ZNF85: variants seen among roughly 807,000 people sequenced by gnomAD.
The protein encoded by ZNF85 is zinc finger protein 85.
ZNF85 carries 50 observed loss-of-function variants against 53.9 expected under a neutral mutation model. That is an observed-to-expected ratio of 0.93 (90% CI 0.74 to 1.17). The LOEUF (loss-of-function observed/expected upper bound fraction) is 1.17. Among genes scored for constraint, ZNF85 ranks in the 50% most tolerant of loss-of-function variants. The probability of loss-of-function intolerance (pLI) is 0.00; values close to 1 mark genes in which losing one functional copy is unlikely to be tolerated. For synonymous variants in ZNF85, 225 were observed against 226.1 expected (o/e 1.00, Z 0.04); for missense variants, 747 against 688.5 (o/e 1.08, Z -0.95).
chr19:20,941,390 G>A (rs62124030), intron 3 of ZNF85, among the ~76,000 whole-genome samples: 11,992 of 152,206 alleles, frequency 0.079, 644 homozygotes, highest in Middle Eastern at 0.14. Flanking sequence ...AGCCTCCTGA[G>A]TAGCTGGGAT....
rs768097517 is a variant in ZNF85, at chr19:20,947,488, C to CTTTTTTT, written c.230-1233_230-1227dup. ...GTAGGGCATATGCAGTGCCAATACA[C>CTTTTTTT]TTTTTTTTTTTTTTTTTTTTTTTTT... On this transcript the variant is annotated intron_variant, in intron 3 of 3. Transcript: ENST00000328178. 4.1e-4 allele frequency among the ~76,000 whole-genome samples: 21 copies of CTTTTTTT among 51,636 alleles called. 1 individual carries two copies. Among genetic ancestry groups the CTTTTTTT allele is most frequent in the African/African-American group, 1.7e-3 (20 of 11,932 alleles). 33.9% of individuals were successfully genotyped at this position (51,636 alleles called of 152,430 possible).
chr19:20,942,978 G>T, intron 3 of ZNF85: 2 of 527,856 alleles, frequency 3.8e-6, no homozygotes, highest in East Asian at 3.2e-5. Context: ...GTCTCACTTT[G>T]TTGCCCAGTC....
intron 3 of ZNF85, among the ~76,000 whole-genome samples, chr19:20,935,756 G>T (rs1458885777): frequency 6.6e-6 from 1 of 151,520 alleles, no homozygotes; most frequent in African/African-American, 2.4e-5. Flanking sequence ...CTCAATGTTG[G>T]TCAGGCTGTT....
At chr19:20,934,552 G>A (rs1973110246) in intron 2 of ZNF85, among the ~76,000 whole-genome samples, 3 of 152,136 alleles carry the variant, frequency 2.0e-5, no homozygotes, top group East Asian at 3.9e-4. Context: ...GACGGATCAC[G>A]AGGTCAGGAG....
In ZNF85 at chr19:20,942,886, C is replaced by T. The variant is rs1485026294; in HGVS notation, c.230-5858C>T. ...AACCTTCTGGGGTCAAGTGATTGTT[C>T]CACCTCAGCCTCCCGAGTAGCTTGG... On this transcript the variant is annotated intron_variant, in intron 3 of 3. Transcript: ENST00000328178. 1.3e-5 allele frequency: 9 copies of T among 687,702 alleles called. No individual in the cohort carries two copies. In the Admixed American group the frequency reaches 1.9e-4, roughly 15 times the overall value. The allele number at this position is 687,702 out of a possible 1,614,324, so 42.6% of individuals were successfully genotyped here.
Position 20,923,295 on chromosome 19 carries a change from C to T in ZNF85, c.-106C>T, listed in dbSNP as rs952218590. On this transcript the variant is annotated 5_prime_UTR_variant, in exon 1 of 4. Coordinates refer to ENST00000328178, the MANE Select transcript of ZNF85 (RefSeq NM_003429.5). ...GCCTGAGCTCTAGGTCTTGTTTTCC[C>T]TGCTTTGTGTTTTCTGCTCGTGGAC... is the stretch of plus-strand genomic sequence containing the variant. The T allele has an allele frequency of 7.6e-6, 12 of 1,573,440 alleles. No homozygotes were observed. The African/African-American group carries it at 1.4e-4, about 18-fold the overall frequency.
intron 3 of ZNF85, among the ~76,000 whole-genome samples, chr19:20,935,725 G>A (rs765631302): frequency 1.3e-5 from 2 of 150,374 alleles, no homozygotes; most frequent in East Asian, 3.9e-4. Context: ...TCGGCTCACC[G>A]CAACCTCTGC....
intron 1 of ZNF85, among the ~76,000 whole-genome samples, chr19:20,932,988 A>G (rs1289931147): frequency 6.6e-6 from 1 of 151,448 alleles, no homozygotes; most frequent in African/African-American, 2.4e-5. Context: ...GGAGATCTAG[A>G]CCATCCTGGG....
At chr19:20,937,822 T>C (rs1973194823) in intron 3 of ZNF85, among the ~76,000 whole-genome samples, 1 of 152,192 alleles carries the variant, frequency 6.6e-6, no homozygotes, top group Admixed American at 6.5e-5. Flanking sequence ...CCTCCAGGAC[T>C]CTGGAAGGGC....
Position 20,935,048 on chromosome 19 carries a change from G to A in ZNF85, c.229+1G>A. ...GAGATCATGGTGGCCAAACCCACAG[G>A]TAGGTGAAAGTGAAAATGAATACAG... On this transcript the variant is annotated splice_donor_variant, in intron 3 of 3. Transcript: ENST00000328178. LOFTEE classifies it high-confidence loss of function. The A allele has an allele frequency of 1.2e-6, 2 of 1,603,324 alleles. No homozygotes were observed. Among genetic ancestry groups the A allele is most frequent in the Non-Finnish European group, 8.5e-7 (1 of 1,173,424 alleles).
At position 20,949,917 on chromosome 19, in the gene ZNF85, A is replaced by G; in HGVS notation, c.1403A>G (p.Asn468Ser). ...GGCAAAGCTTTTAACCAGTCCTCAA[A>G]TCTTACTAGACATAAGAAAAGTCAT... is the stretch of plus-strand genomic sequence containing the variant. ...KCGKAFNQSS[N>S]LTRHKKSHTE... Residue 468 changes from asparagine (N) to serine (S), a missense_variant, in exon 4 of 4, where the codon AAT (asparagine) becomes AGT (serine). Transcript: ENST00000328178. 1 of 1,612,352 alleles carries G rather than the reference A, an allele frequency of 6.2e-7. No homozygotes were observed. Among genetic ancestry groups the G allele is most frequent in the Non-Finnish European group, 8.5e-7 (1 of 1,179,130 alleles).
At chr19:20,941,560 G>C (rs1973296605) in intron 3 of ZNF85, among the ~76,000 whole-genome samples, 1 of 151,336 alleles carries the variant, frequency 6.6e-6, no homozygotes, top group Non-Finnish European at 1.5e-5. Flanking sequence ...ACCGTGCCTG[G>C]CCACATTTCC....
At chr19:20,923,474 G>A in intron 1 of ZNF85, 71 bp downstream of exon 1, 1 of 1,610,236 alleles carries the variant, frequency 6.2e-7, no homozygotes, top group Non-Finnish European at 8.5e-7. Flanking sequence ...CGGCTGTGGC[G>A]GGACTCAGGC....
At chr19:20,931,903 G>A (rs895192336) in intron 1 of ZNF85, among the ~76,000 whole-genome samples, 4 of 152,102 alleles carry the variant, frequency 2.6e-5, no homozygotes, top group Admixed American at 2.0e-4. Context: ...CACCAAGCCC[G>A]GCCATGGCCC....
chr19:20,938,194 T>C (rs996615301), intron 3 of ZNF85, among the ~76,000 whole-genome samples: 1 of 152,134 alleles, frequency 6.6e-6, no homozygotes, highest in African/African-American at 2.4e-5. Flanking sequence ...CTCAGCCTCC[T>C]AAGTAGCTAA....
chr19:20,941,463 G>C (rs113612085), intron 3 of ZNF85, among the ~76,000 whole-genome samples: 1,815 of 152,120 alleles, frequency 0.012, 34 homozygotes, highest in African/African-American at 0.035. Context: ...GGGTTTCACC[G>C]TGTTGGTTAT....
In ZNF85 at chr19:20,930,142, A is replaced by AAAAAAAAG. The variant is rs1555793059; in HGVS notation, c.4-3882_4-3881insAAAAAAAG. 2.1e-5 allele frequency among the ~76,000 whole-genome samples: 3 copies of AAAAAAAAG among 145,160 alleles called. 1 individual carries two copies. Among genetic ancestry groups the AAAAAAAAG allele is most frequent in the South Asian group, 4.4e-4 (2 of 4,590 alleles). ...TCCCAAAAAAAAAAAAAAAAAAAAA[A>AAAAAAAAG]GAAATCAGAGTTTTTGTCTGGTGAA... On this transcript the variant is annotated intron_variant, in intron 1 of 3. Coordinates refer to ENST00000328178, the MANE Select transcript of ZNF85 (RefSeq NM_003429.5).
intron 2 of ZNF85, among the ~76,000 whole-genome samples, chr19:20,934,594 C>T (rs932777902): frequency 4.6e-5 from 7 of 151,852 alleles, no homozygotes; most frequent in Admixed American, 4.6e-4. Flanking sequence ...ACGGTGAAAC[C>T]CCGTCTCTAC....
chr19:20,937,680 G>A (rs112295668), intron 3 of ZNF85, among the ~76,000 whole-genome samples: 1,811 of 152,242 alleles, frequency 0.012, 33 homozygotes, highest in African/African-American at 0.034. Flanking sequence ...ACACTGTGTG[G>A]GTTTCTGTGT....
Sources: allele counts gnomAD v4.1 joint callset (sites outside exome capture counted in the v4.1 genomes callset), GRCh38; gene constraint gnomAD v4.1.1; transcripts MANE v1.5; gene names NCBI Gene and HGNC (gene_info 2026-07-23, HGNC 2026-07-21).